UTRN: variants seen among roughly 807,000 people sequenced by gnomAD.
The protein encoded by UTRN is dystrophin-related protein 1.
Under a neutral mutation model 463.9 loss-of-function variants are expected in UTRN, and 283 were observed. That is an observed-to-expected ratio of 0.61 (90% CI 0.55 to 0.67). UTRN has a LOEUF of 0.67. Among genes scored for constraint, UTRN ranks in the 30% least tolerant of loss-of-function variants. The pLI, the probability that UTRN is intolerant of heterozygous loss-of-function variation, is 0.00. For missense variants in UTRN, 3,922 were observed against 4,084.3 expected (o/e 0.96, Z 1.08); for synonymous variants, 1,442 against 1,431.5 (o/e 1.01, Z -0.17).
chr6:144,485,545 T>C (rs1400156501), intron 28 of UTRN, 26 bp downstream of exon 28: 2 of 1,613,750 alleles, frequency 1.2e-6, no homozygotes, highest in Non-Finnish European at 1.7e-6. Flanking sequence ...CTCCACGGCA[T>C]TTCTCTTTGC....
At chr6:144,786,488 GT>G (rs1776305703) in intron 61 of UTRN, among the ~76,000 whole-genome samples, 1 of 151,900 alleles carries the variant, frequency 6.6e-6, no homozygotes, top group African/African-American at 2.4e-5. Flanking sequence ...GTTTCACCAT[GT>G]TGGCCAGGAT....
intron 34 of UTRN, among the ~76,000 whole-genome samples, chr6:144,499,659 T>C (rs898240200): frequency 6.6e-6 from 1 of 152,236 alleles, no homozygotes; most frequent in Non-Finnish European, 1.5e-5. Context: ...TATAGGTTTG[T>C]TACATGGATA....
Position 144,307,861 on chromosome 6 carries a change from C to T in UTRN, c.79+15954C>T, listed in dbSNP as rs143839013. ...AATGAAACTTGGGCTTCATCAAGCT[C>T]AGGTGGAATGGATATCACAGTGCTT... On this transcript the variant is annotated intron_variant, in intron 2 of 74. Transcript: ENST00000367545. Among the ~76,000 whole-genome samples, 12 of 151,236 alleles carry T rather than the reference C, an allele frequency of 7.9e-5. No homozygotes were observed. In the East Asian group the frequency reaches 2.3e-3, roughly 29 times the overall value.
intron 23 of UTRN, among the ~76,000 whole-genome samples, chr6:144,473,059 C>T (rs1790831882): frequency 6.6e-6 from 1 of 152,250 alleles, no homozygotes; most frequent in Non-Finnish European, 1.5e-5. Flanking sequence ...AGCCACCGTA[C>T]CTGGCCCTTA....
chr6:144,423,400 AG>A, intron 4 of UTRN, 148 bp from the exon 5 acceptor site: 1 of 675,674 alleles, frequency 1.5e-6, no homozygotes, highest in Non-Finnish European at 2.5e-6. Flanking sequence ...ACCAGCTTCC[AG>A]GGTGGTAACC....
At chr6:144,420,614 T>C (rs1784750367) in intron 3 of UTRN, among the ~76,000 whole-genome samples, 2 of 152,242 alleles carry the variant, frequency 1.3e-5, no homozygotes, top group African/African-American at 4.8e-5. Context: ...TCTATAAGCT[T>C]TGTCAGTTAA....
intron 51 of UTRN, among the ~76,000 whole-genome samples, chr6:144,671,454 A>C (rs992597816): frequency 6.6e-6 from 1 of 152,008 alleles, no homozygotes; most frequent in East Asian, 1.9e-4. Flanking sequence ...CTGTTGGTGT[A>C]TAGCTGTGCT....
chr6:144,495,591 C>T (rs1034698806), intron 33 of UTRN, among the ~76,000 whole-genome samples: 1 of 152,224 alleles, frequency 6.6e-6, no homozygotes, highest in Non-Finnish European at 1.5e-5. Context: ...GGGGTTCCCA[C>T]AGTGCAGCGG....
intron 2 of UTRN, among the ~76,000 whole-genome samples, chr6:144,381,254 A>G (rs1283530947): frequency 6.6e-6 from 1 of 152,214 alleles, no homozygotes; most frequent in Non-Finnish European, 1.5e-5. Context: ...GCTCCCACTT[A>G]AAAGTGAGAA....
At chr6:144,496,503 A>G (rs1261519560) in intron 33 of UTRN, among the ~76,000 whole-genome samples, 1 of 152,186 alleles carries the variant, frequency 6.6e-6, no homozygotes, top group African/African-American at 2.4e-5. Context: ...TATGAATGGA[A>G]TGGTATTGCT....
rs569094443 is a variant in UTRN, at chr6:144,398,114, A to G, written c.80-5009A>G. 5.2e-5 allele frequency: 13 copies of G among 248,462 alleles called. No individual in the cohort carries two copies. In the South Asian group the frequency reaches 6.7e-4, roughly 13 times the overall value. 15.4% of individuals were successfully genotyped at this position (248,462 alleles called of 1,614,324 possible). On this transcript the variant is annotated intron_variant, in intron 2 of 74. Coordinates refer to ENST00000367545, the MANE Select transcript of UTRN (RefSeq NM_007124.3). ...ATCTGGAAAGATGACTGGGAAGTAG[A>G]TGGTTTGCCTGTGTCATCACCACGT... is the stretch of plus-strand genomic sequence containing the variant.
chr6:144,627,475 G>A (rs375564287), intron 51 of UTRN, among the ~76,000 whole-genome samples: 1 of 152,080 alleles, frequency 6.6e-6, no homozygotes, highest in Middle Eastern at 3.4e-3. Flanking sequence ...ACAAAATATG[G>A]CATTTTAACC....
At chr6:144,610,118 A>G (rs1805321681) in intron 51 of UTRN, among the ~76,000 whole-genome samples, 1 of 151,914 alleles carries the variant, frequency 6.6e-6, no homozygotes, top group East Asian at 1.9e-4. Flanking sequence ...AGAAAAATAA[A>G]AGAAAAATTT....
chr6:144,685,925 T>C (rs959300978), intron 52 of UTRN, among the ~76,000 whole-genome samples: 1 of 152,170 alleles, frequency 6.6e-6, no homozygotes, highest in Non-Finnish European at 1.5e-5. Flanking sequence ...TTGTTCTTGC[T>C]ACATTTGCAT....
chr6:144,824,709 C>T lies in UTRN; in HGVS notation c.9495-2639C>T, dbSNP rs1166306561. Among the ~76,000 whole-genome samples the T allele has an allele frequency of 2.9e-5, 4 of 136,488 alleles. No individual in the cohort carries two copies. In the East Asian group the frequency reaches 6.8e-4, roughly 23 times the overall value. 89.5% of individuals were successfully genotyped at this position (136,488 alleles called of 152,430 possible). A position where few individuals can be genotyped will look rare whatever the true frequency, so the allele number is the denominator to read the frequency against. ...ATCACAGCTCACTGTCTCATTGCAG[C>T]CTCGACCTCCCAGGCTCAAGTGTTC... On this transcript the variant is annotated intron_variant, in intron 66 of 74. Coordinates refer to ENST00000367545, the MANE Select transcript of UTRN (RefSeq NM_007124.3).
intron 64 of UTRN, among the ~76,000 whole-genome samples, chr6:144,798,371 T>G (rs187470966): frequency 2.2e-4 from 33 of 152,290 alleles, no homozygotes; most frequent in Non-Finnish European, 1.5e-4. Context: ...CAGGAAGCAA[T>G]GTTTAATTAC....
intron 2 of UTRN, among the ~76,000 whole-genome samples, chr6:144,296,256 G>A (rs761172203): frequency 9.9e-5 from 15 of 152,184 alleles, no homozygotes; most frequent in African/African-American, 3.4e-4. Flanking sequence ...TCAGATCAGC[G>A]GCAGCATTAG....
intron 41 of UTRN, among the ~76,000 whole-genome samples, chr6:144,528,320 G>C (rs1796743384): frequency 6.6e-6 from 1 of 152,180 alleles, no homozygotes; most frequent in African/African-American, 2.4e-5. Flanking sequence ...ACAGGCATGA[G>C]CCACTGCCCC....
intron 50 of UTRN, among the ~76,000 whole-genome samples, chr6:144,563,586 A>C (rs1288186716): frequency 6.6e-6 from 1 of 152,166 alleles, no homozygotes; most frequent in East Asian, 1.9e-4. Context: ...TATGAGGTTC[A>C]GAGATTTGGG....
Sources: allele counts gnomAD v4.1 joint callset (sites outside exome capture counted in the v4.1 genomes callset), GRCh38; gene constraint gnomAD v4.1.1; transcripts MANE v1.5; gene names NCBI Gene and HGNC (gene_info 2026-07-23, HGNC 2026-07-21).